Variants in TANC1 observed in about 807,000 individuals in gnomAD.
TANC1 encodes tetratricopeptide repeat, ankyrin repeat and coiled-coil containing 1.
A neutral mutation model predicts 149.7 loss-of-function variants in TANC1; 77 were observed. That is an observed-to-expected ratio of 0.51 (90% CI 0.43 to 0.62). TANC1 has a LOEUF of 0.62. Ranked by LOEUF, TANC1 falls within the 20% of genes least tolerant of loss-of-function variation. The pLI, the probability that TANC1 is intolerant of heterozygous loss-of-function variation, is 0.00. For missense variants in TANC1, 1,985 were observed against 2,321.8 expected, an observed-to-expected ratio of 0.85 and a Z score of 2.98; for synonymous variants, 854 against 925.0, an observed-to-expected ratio of 0.92 and a Z score of 1.39.
At position 159,066,215 on chromosome 2, in the gene TANC1, C is replaced by T. The variant is rs564077460; in HGVS notation, c.61+244C>T. On this transcript the variant is annotated intron_variant, in intron 3 of 26. Transcript: ENST00000263635. ...TTGAGGCTAGGAGTTCCAGGACCAG[C>T]CTGGGCAACATAAAGAGACACTTTC... Among the ~76,000 whole-genome samples, 19 of 152,228 alleles carry T rather than the reference C, an allele frequency of 1.2e-4. 1 individual carries two copies. The highest frequency in any genetic ancestry group is 1.0e-3 in the South Asian group (5 of 4,824).
At chr2:158,999,621 C>A (rs1284388851) in intron 1 of TANC1, among the ~76,000 whole-genome samples, 3 of 152,058 alleles carry the variant, frequency 2.0e-5, no homozygotes, top group African/African-American at 7.2e-5. Context: ...GGTTTTGTTT[C>A]TGGTTTTTTT....
intron 7 of TANC1, among the ~76,000 whole-genome samples, chr2:159,153,745 C>G (rs193114281): frequency 6.6e-6 from 1 of 152,034 alleles, no homozygotes; most frequent in Non-Finnish European, 1.5e-5. Context: ...CTTCACAGAG[C>G]AGGTTATCTA....
Position 159,141,192 on chromosome 2 carries a change from A to G in TANC1, c.364+4894A>G, listed in dbSNP as rs143985712. Among the ~76,000 whole-genome samples, 626 of 152,334 alleles carry G rather than the reference A, an allele frequency of 4.1e-3. 8 individuals are homozygous for G. Among genetic ancestry groups the G allele is most frequent in the African/African-American group, 0.014 (571 of 41,570 alleles). Reference sequence around the variant, plus strand: ...CAGATTTGGGGTCTGGCAAAGGCCTACTTGCTGGTTCATAGACAGCCATCT... The same window carrying G: ...CAGATTTGGGGTCTGGCAAAGGCCTGCTTGCTGGTTCATAGACAGCCATCT... On this transcript the variant is annotated intron_variant, in intron 5 of 26. Coordinates refer to ENST00000263635, the MANE Select transcript of TANC1 (RefSeq NM_033394.3).
At chr2:159,191,878 G>A (rs1381657517) in intron 16 of TANC1, among the ~76,000 whole-genome samples, 2 of 152,060 alleles carry the variant, frequency 1.3e-5, no homozygotes, top group Non-Finnish European at 2.9e-5. Context: ...CACATTTAGT[G>A]GGCAGGTGGA....
intron 5 of TANC1, among the ~76,000 whole-genome samples, chr2:159,143,397 A>G (rs2150260907): frequency 6.6e-6 from 1 of 152,166 alleles, no homozygotes; most frequent in Admixed American, 6.5e-5. Flanking sequence ...TCTTACTGTA[A>G]CAGTACAAAA....
intron 19 of TANC1, among the ~76,000 whole-genome samples, chr2:159,199,411 G>A (rs569478331): frequency 2.0e-5 from 3 of 152,296 alleles, no homozygotes; most frequent in South Asian, 4.1e-4. Context: ...GGCGAGCCAG[G>A]CATGAACTTC....
At chr2:159,095,148 G>C (rs1005018239) in intron 3 of TANC1, among the ~76,000 whole-genome samples, 1 of 151,684 alleles carries the variant, frequency 6.6e-6, no homozygotes, top group Non-Finnish European at 1.5e-5. Context: ...GGGTTTCACC[G>C]TGTTGGCCAG....
chr2:159,128,685 C>A (rs1184834049), intron 4 of TANC1, among the ~76,000 whole-genome samples: 1 of 152,140 alleles, frequency 6.6e-6, no homozygotes, highest in Non-Finnish European at 1.5e-5. Flanking sequence ...TATAAAGACT[C>A]CCTTTATCCC....
chr2:158,984,376 C>G (rs2034769187), intron 1 of TANC1, among the ~76,000 whole-genome samples: 1 of 152,188 alleles, frequency 6.6e-6, no homozygotes, highest in South Asian at 2.1e-4. Flanking sequence ...TTACCTTCTT[C>G]ACAAGGCTTT....
chr2:159,129,585 T>C (rs1289978369), intron 4 of TANC1, among the ~76,000 whole-genome samples: 4 of 152,266 alleles, frequency 2.6e-5, no homozygotes, highest in African/African-American at 4.8e-5. Context: ...TTTTTTCTTT[T>C]GCAAGCTGCA....
chr2:158,974,826 G>A (rs1275918333), intron 1 of TANC1, among the ~76,000 whole-genome samples: 1 of 151,868 alleles, frequency 6.6e-6, no homozygotes, highest in African/African-American at 2.4e-5. Context: ...TCAACCTCCT[G>A]GACTCATGCA....
Position 159,185,899 on chromosome 2 carries a change from G to C in TANC1, c.2619G>C (p.Lys873Asn). ...GHHILKAHIF[K>N]GLSKKTGISS... ...ACATCCTGAAGGCGCACATTTTCAA[G>C]GTGAGATGCACACCAACTTGGGGAA... The change falls in exon 15 of 27, where the codon AAG becomes AAC. Residue 873 changes from lysine to asparagine, a missense_variant and splice_region_variant. Transcript: ENST00000263635. 6.2e-7 allele frequency: 1 copy of C among 1,608,308 alleles called. No homozygotes were observed. Among genetic ancestry groups the C allele is most frequent in the Non-Finnish European group, 8.5e-7 (1 of 1,174,764 alleles).
rs185862691 is a variant in TANC1, at chr2:159,046,881, A to G, written c.-15-19015A>G. ...GGCCTCCCCAAAATGCTGGGATTAC[A>G]GGCATGAACCATGGTGCCCCGCCCC... On this transcript the variant is annotated intron_variant, in intron 2 of 26. Transcript: ENST00000263635. Among the ~76,000 whole-genome samples, 703 of 152,114 alleles carry G rather than the reference A, an allele frequency of 4.6e-3. 5 individuals are homozygous for G. The highest frequency in any genetic ancestry group is 0.016 in the African/African-American group (656 of 41,502).
At chr2:159,202,265 T>C (rs10175176) in intron 19 of TANC1, among the ~76,000 whole-genome samples, 44,395 of 152,086 alleles carry the variant, frequency 0.29, 6,637 homozygotes, top group East Asian at 0.45. Flanking sequence ...TCAATGAATG[T>C]CATCACAGAA....
At chr2:159,225,630 A>C (rs2059977937) in intron 23 of TANC1, 58 bp from the exon 24 acceptor site, 1,033 of 1,211,824 alleles carry the variant, frequency 8.5e-4, no homozygotes, top group Non-Finnish European at 1.1e-3. Context: ...CCACGGAGGA[A>C]TTGGGATCCT....
intron 13 of TANC1, among the ~76,000 whole-genome samples, chr2:159,176,906 G>GTTT (rs2055915733): frequency 3.9e-4 from 11 of 28,028 alleles, no homozygotes; most frequent in Admixed American, 1.1e-3. Flanking sequence ...GAAGGTGAAA[G>GTTT]ATTTTTTTTT....
intron 23 of TANC1, chr2:159,224,593 G>T: frequency 1.9e-6 from 1 of 513,596 alleles, no homozygotes; most frequent in Non-Finnish European, 3.5e-6. Flanking sequence ...AGGACAGTCT[G>T]GAGTGGTATC....
At chr2:159,059,351 A>C (rs189118592) in intron 2 of TANC1, among the ~76,000 whole-genome samples, 1 of 152,042 alleles carries the variant, frequency 6.6e-6, no homozygotes, top group East Asian at 1.9e-4. Context: ...TGAAAAAATA[A>C]GCAGCTGGGC....
intron 19 of TANC1, among the ~76,000 whole-genome samples, chr2:159,200,006 G>A (rs572943411): frequency 3.3e-5 from 5 of 152,314 alleles, no homozygotes; most frequent in South Asian, 2.1e-4. Context: ...GCTCCCAGGC[G>A]CAGAGAAAGT....
Sources: gnomAD v4.1 joint callset for allele counts (sites outside exome capture counted in the v4.1 genomes callset) on GRCh38, gnomAD v4.1.1 for gene constraint, MANE v1.5 for transcripts, NCBI Gene and HGNC (gene_info 2026-07-23, HGNC 2026-07-21) for gene names.